Variants in C12orf42 observed in about 807,000 individuals in gnomAD.
C12orf42 encodes chromosome 12 open reading frame 42.
A neutral mutation model predicts 21.6 loss-of-function variants in C12orf42; 25 were observed. That is an observed-to-expected ratio of 1.16 (90% CI 0.84 to 1.62). C12orf42 has a LOEUF of 1.62. C12orf42 is among the 40% of genes most tolerant of loss of function. The pLI is 0.00. For missense variants in C12orf42, 483 were observed against 459.3 expected, an observed-to-expected ratio of 1.05 and a Z score of -0.47; for synonymous variants, 174 against 175.0, an observed-to-expected ratio of 0.99 and a Z score of 0.05.
chr12:103,358,029 T>C (rs889042837), intron 4 of C12orf42, among the ~76,000 whole-genome samples: 1 of 152,090 alleles, frequency 6.6e-6, no homozygotes, highest in Admixed American at 6.6e-5. Context: ...GACTGGTTGG[T>C]ACAGTAGGGG....
chr12:103,319,721 A>G (rs1198259758), intron 4 of C12orf42, among the ~76,000 whole-genome samples: 1 of 152,254 alleles, frequency 6.6e-6, no homozygotes, highest in African/African-American at 2.4e-5. Flanking sequence ...TGCAGTTTAC[A>G]AGCATTTTTC....
chr12:103,206,443 A>G, the C12orf42 span, among the ~76,000 whole-genome samples: 1 of 152,076 alleles, frequency 6.6e-6, no homozygotes, highest in African/African-American at 2.4e-5. Context: ...GAATATTGGC[A>G]ATGTTCTATA....
intron 4 of C12orf42, 116 bp downstream of exon 4, chr12:103,368,770 GC>G: frequency 1.8e-6 from 1 of 565,230 alleles, no homozygotes; most frequent in East Asian, 3.0e-5. Context: ...CTCTTTTGTT[GC>G]CATTTTGAAA....
At chr12:103,097,716 T>C in the C12orf42 span, among the ~76,000 whole-genome samples, 1 of 152,056 alleles carries the variant, frequency 6.6e-6, no homozygotes, top group African/African-American at 2.4e-5. Flanking sequence ...AACAAGGAGA[T>C]AGATAGAGGA....
the C12orf42 span, among the ~76,000 whole-genome samples, chr12:103,065,702 G>T: frequency 6.8e-3 from 1,028 of 152,286 alleles, 15 homozygotes; most frequent in African/African-American, 0.023. Context: ...ATTTCTAGGG[G>T]CCCAGTGGTG....
downstream of C12orf42, chr12:103,267,497 TGTCA>T (rs2035229073): frequency 1.3e-5 from 2 of 152,192 alleles, no homozygotes; most frequent in African/African-American, 2.4e-5. Flanking sequence ...TATATATGTA[TGTCA>T]ATTTGTGTAA....
chr12:103,092,292 A>C, the C12orf42 span, among the ~76,000 whole-genome samples: 1 of 152,156 alleles, frequency 6.6e-6, no homozygotes, highest in Non-Finnish European at 1.5e-5. Flanking sequence ...TTGAAGATGC[A>C]GGGAGCTAAC....
At chr12:103,546,559 C>T in the C12orf42 span, among the ~76,000 whole-genome samples, 32,838 of 151,988 alleles carry the variant, frequency 0.22, 3,778 homozygotes, top group East Asian at 0.39. Context: ...AAAATAGAAC[C>T]TCAGTCGCCT....
At chr12:103,047,833 C>T in the C12orf42 span, among the ~76,000 whole-genome samples, 1 of 152,092 alleles carries the variant, frequency 6.6e-6, no homozygotes, top group South Asian at 2.1e-4. Flanking sequence ...GAAGACCAGC[C>T]CAGTTTGTTC....
At chr12:103,410,101 C>T (rs986621912) in intron 2 of C12orf42, among the ~76,000 whole-genome samples, 1 of 152,148 alleles carries the variant, frequency 6.6e-6, no homozygotes, top group African/African-American at 2.4e-5. Context: ...ATCCAACATG[C>T]CAGCTGATGT....
intron 2 of C12orf42, among the ~76,000 whole-genome samples, chr12:103,427,297 A>G (rs1261599518): frequency 4.9e-5 from 1 of 20,424 alleles, no homozygotes; most frequent in East Asian, 3.1e-3. Flanking sequence ...AAAAAAAAGA[A>G]AAAAAAAAAA....
chr12:103,329,665 C>G (rs553277243), intron 4 of C12orf42, among the ~76,000 whole-genome samples: 2 of 148,064 alleles, frequency 1.4e-5, no homozygotes, highest in South Asian at 2.1e-4. Flanking sequence ...TGCCACTGCT[C>G]TTTACAAAAC....
chr12:103,532,698 C>T, the C12orf42 span, among the ~76,000 whole-genome samples: 1 of 152,156 alleles, frequency 6.6e-6, no homozygotes, highest in African/African-American at 2.4e-5. Flanking sequence ...CTATGACCTC[C>T]ATGACAAAAT....
chr12:103,414,314 C>T (rs2049115656), intron 2 of C12orf42, among the ~76,000 whole-genome samples: 1 of 150,492 alleles, frequency 6.6e-6, no homozygotes, highest in Non-Finnish European at 1.5e-5. Context: ...TGTCCTTAGC[C>T]CACTTTTTTA....
At chr12:103,537,116 G>A in the C12orf42 span, among the ~76,000 whole-genome samples, 1 of 147,558 alleles carries the variant, frequency 6.8e-6, no homozygotes, top group Non-Finnish European at 1.5e-5. Flanking sequence ...GAATGAATCT[G>A]AAGGGTATGG....
chr12:103,121,593 C>T, the C12orf42 span, among the ~76,000 whole-genome samples: 15 of 152,166 alleles, frequency 9.9e-5, no homozygotes, highest in African/African-American at 2.7e-4. Flanking sequence ...AGGCCAACAC[C>T]GGTGGGCTGT....
intron 4 of C12orf42, among the ~76,000 whole-genome samples, chr12:103,338,671 T>C (rs1246955664): frequency 6.6e-6 from 1 of 152,184 alleles, no homozygotes; most frequent in East Asian, 1.9e-4. Flanking sequence ...TTTTAGAGCA[T>C]AGATTTATTC....
chr12:103,507,170 TATTTATATTATATATAATATA>T, the C12orf42 span, among the ~76,000 whole-genome samples: 1 of 24,578 alleles, frequency 4.1e-5, no homozygotes, highest in African/African-American at 5.4e-4. Context: ...ATATAATATA[TATTTATATTATATATAATATA>T]TATATATTTA....
chr12:103,407,413 G>A (rs774605224), intron 2 of C12orf42, among the ~76,000 whole-genome samples: 33 of 152,042 alleles, frequency 2.2e-4, no homozygotes, highest in Admixed American at 6.6e-4. Flanking sequence ...GACAGAAGGC[G>A]AACCCCTCCT....
Sources: gnomAD v4.1 joint callset for allele counts (sites outside exome capture counted in the v4.1 genomes callset) on GRCh38, gnomAD v4.1.1 for gene constraint, MANE v1.5 for transcripts, NCBI Gene and HGNC (gene_info 2026-07-23, HGNC 2026-07-21) for gene names.